The following EPHA7 variants were observed in gnomAD, a reference collection of about 807,000 sequenced individuals.
EPHA7 encodes EPH receptor A7, also known as ephrin type-A receptor 7.
In EPHA7, 25 loss-of-function variants were observed where a neutral mutation model predicts 112.6. That is an observed-to-expected ratio of 0.22 (90% confidence interval 0.16 to 0.31). EPHA7 has a LOEUF of 0.31. Among genes scored for constraint, EPHA7 ranks in the 10% least tolerant of loss-of-function variants. EPHA7 has a pLI of 1.00. For synonymous variants in EPHA7, 437 were observed against 406.5 expected, an observed-to-expected ratio of 1.07 and a Z score of -0.90; for missense variants, 962 against 1,212.6, an observed-to-expected ratio of 0.79 and a Z score of 3.07.
At chr6:93,344,563 CTGA>C (rs919633016) in intron 5 of EPHA7, among the ~76,000 whole-genome samples, 1 of 151,626 alleles carries the variant, frequency 6.6e-6, no homozygotes, top group Admixed American at 6.6e-5. Flanking sequence ...CATCATTGAG[CTGA>C]ATACTCTACT....
intron 5 of EPHA7, among the ~76,000 whole-genome samples, chr6:93,273,644 C>T (rs1409788332): frequency 6.6e-6 from 1 of 151,964 alleles, no homozygotes; most frequent in Non-Finnish European, 1.5e-5. Flanking sequence ...TTAAGTGGGA[C>T]AACTTTCCCT....
At chr6:93,269,419 A>T in intron 7 of EPHA7, 58 bp downstream of exon 7, 1 of 1,460,744 alleles carries the variant, frequency 6.8e-7, no homozygotes, top group Non-Finnish European at 9.3e-7. Flanking sequence ...TATTGAAAAA[A>T]ATATTAATAT....
chr6:93,307,094 A>C lies in EPHA7; in HGVS notation c.1325-34672T>G, dbSNP rs184248350. On this transcript the variant is annotated intron_variant, in intron 5 of 16. Coordinates refer to ENST00000369303, the MANE Select transcript of EPHA7 (RefSeq NM_004440.4). ...CATAACTGCTAATAAAAATAAATTC[A>C]GTCTATAAATTATCAAACCCATCTA... Among the ~76,000 whole-genome samples the C allele has an allele frequency of 5.0e-3, 763 of 152,122 alleles. 12 individuals are homozygous for C. Among genetic ancestry groups the C allele is most frequent in the African/African-American group, 0.018 (736 of 41,578 alleles).
intron 5 of EPHA7, among the ~76,000 whole-genome samples, chr6:93,331,676 G>C (rs1774600226): frequency 6.6e-6 from 1 of 151,434 alleles, no homozygotes; most frequent in Non-Finnish European, 1.5e-5. Context: ...AAACAATTGA[G>C]GCAATGTTGC....
chr6:93,409,302 G>A (rs1318856778), intron 3 of EPHA7, among the ~76,000 whole-genome samples: 1 of 151,990 alleles, frequency 6.6e-6, no homozygotes, highest in Non-Finnish European at 1.5e-5. Flanking sequence ...AGGCTCTAAA[G>A]TCAGAATATC....
chr6:93,358,101 T>G (rs1292951670), intron 4 of EPHA7, among the ~76,000 whole-genome samples, 155 bp downstream of exon 4: 1 of 152,162 alleles, frequency 6.6e-6, no homozygotes, highest in Non-Finnish European at 1.5e-5. Flanking sequence ...TATCTGCTTA[T>G]GAAAGAAAAT....
chr6:93,260,798 AC>A (rs1770652519), intron 9 of EPHA7: 9 of 937,680 alleles, frequency 9.6e-6, no homozygotes, highest in Middle Eastern at 5.5e-4. Context: ...GAAAAAAAAA[AC>A]AACACGAGAA....
At chr6:93,274,162 C>T (rs1771361153) in intron 5 of EPHA7, among the ~76,000 whole-genome samples, 1 of 151,830 alleles carries the variant, frequency 6.6e-6, no homozygotes, top group African/African-American at 2.4e-5. Context: ...ATGTGTAAAT[C>T]TCTAGGTTTC....
intron 5 of EPHA7, among the ~76,000 whole-genome samples, chr6:93,338,479 ACT>A (rs1774983585): frequency 6.6e-6 from 1 of 151,580 alleles, no homozygotes; most frequent in African/African-American, 2.4e-5. Context: ...TTGAAATTCA[ACT>A]CTCTTTCCAA....
At chr6:93,363,714 T>G (rs558008376) in intron 3 of EPHA7, among the ~76,000 whole-genome samples, 77 of 152,278 alleles carry the variant, frequency 5.1e-4, no homozygotes, top group Admixed American at 7.9e-4. Context: ...TACTCCTAGG[T>G]ATATACTCAA....
intron 3 of EPHA7, among the ~76,000 whole-genome samples, chr6:93,370,800 T>C (rs181977876): frequency 6.6e-6 from 1 of 151,892 alleles, no homozygotes; most frequent in East Asian, 1.9e-4. Flanking sequence ...ATTTTTCAAG[T>C]TATAAACTAG....
At chr6:93,369,546 T>C (rs965504797) in intron 3 of EPHA7, among the ~76,000 whole-genome samples, 1 of 152,196 alleles carries the variant, frequency 6.6e-6, no homozygotes, top group Non-Finnish European at 1.5e-5. Context: ...TCTTCATGAA[T>C]CAGTTAAACG....
chr6:93,387,924 C>CAGACAGACAGATAGAT (rs1310430859), intron 3 of EPHA7, among the ~76,000 whole-genome samples: 4,912 of 145,514 alleles, frequency 0.034, 93 homozygotes, highest in Non-Finnish European at 0.04. Context: ...GATAGATAGA[C>CAGACAGACAGATAGAT]AGATAGATAG....
At chr6:93,274,691 C>T (rs911183101) in intron 5 of EPHA7, among the ~76,000 whole-genome samples, 12 of 151,840 alleles carry the variant, frequency 7.9e-5, no homozygotes, top group African/African-American at 1.7e-4. Flanking sequence ...GGGTCAGAAA[C>T]GGAAGCACTA....
chr6:93,343,549 C>T (rs1233423875), intron 5 of EPHA7, among the ~76,000 whole-genome samples: 1 of 151,724 alleles, frequency 6.6e-6, no homozygotes, highest in East Asian at 1.9e-4. Context: ...TGAAAACAGG[C>T]ATAGCAAACA....
At chr6:93,392,082 C>T (rs1186284859) in intron 3 of EPHA7, among the ~76,000 whole-genome samples, 1 of 151,944 alleles carries the variant, frequency 6.6e-6, no homozygotes, top group African/African-American at 2.4e-5. Context: ...CAGAATAACG[C>T]AATTTTTACA....
intron 3 of EPHA7, among the ~76,000 whole-genome samples, chr6:93,409,047 T>C (rs1778849116): frequency 6.6e-6 from 1 of 152,006 alleles, no homozygotes; most frequent in African/African-American, 2.4e-5. Context: ...CATCTCAATG[T>C]TTAATAGTCA....
In EPHA7 at chr6:93,357,051, C is replaced by T. The variant is rs137908675; in HGVS notation, c.990G>A (p.Arg330=). Residue 330 remains arginine (R), a splice_region_variant and synonymous_variant, in exon 5 of 17, where the codon AGG becomes AGA. Transcript: ENST00000369303. ...PSDPPYVACT[R]PPSAPQNLIF... Reference sequence around the variant, plus strand: ...TGAGGTTCTGTGGTGCAGATGGAGGCCCTTGGGAAACCAAGAATAAATAAG... The same window carrying T: ...TGAGGTTCTGTGGTGCAGATGGAGGTCCTTGGGAAACCAAGAATAAATAAG... 41 of 1,590,000 alleles carry T rather than the reference C, an allele frequency of 2.6e-5. No individual in the cohort carries two copies. In the African/African-American group the frequency reaches 5.0e-4, roughly 20 times the overall value.
chr6:93,418,122 G>T (rs1779337125), intron 1 of EPHA7, among the ~76,000 whole-genome samples: 1 of 148,354 alleles, frequency 6.7e-6, no homozygotes, highest in African/African-American at 2.5e-5. Flanking sequence ...TTAACAGATC[G>T]AAAAATGAAA....
Sources: allele counts gnomAD v4.1 joint callset (sites outside exome capture counted in the v4.1 genomes callset), GRCh38; gene constraint gnomAD v4.1.1; transcripts MANE v1.5; gene names NCBI Gene and HGNC (gene_info 2026-07-23, HGNC 2026-07-21).